Variants in ITSN2 observed in about 807,000 individuals in gnomAD.
The protein encoded by ITSN2 is intersectin 2, also known as intersectin-2.
ITSN2 carries 156 observed loss-of-function variants against 243.7 expected under a neutral mutation model. That is an observed-to-expected ratio of 0.64 (90% CI 0.56 to 0.73). The LOEUF is 0.73. Among genes scored for constraint, ITSN2 ranks in the 30% least tolerant of loss-of-function variants. The pLI is 0.00. For synonymous variants in ITSN2, 703 were observed against 699.9 expected, an observed-to-expected ratio of 1.00 and a Z score of -0.07; for missense variants, 1,801 against 1,996.1, an observed-to-expected ratio of 0.90 and a Z score of 1.86.
chr2:24,298,650 A>G lies in ITSN2; in HGVS notation c.1494+15T>C, dbSNP rs756889075. 1.3e-6 allele frequency: 2 copies of G among 1,588,498 alleles called. No individual in the cohort carries two copies. The highest frequency in any genetic ancestry group is 1.7e-6 in the Non-Finnish European group (2 of 1,172,116). On this transcript the variant is annotated intron_variant, in intron 13 of 39. Coordinates refer to ENST00000355123, the MANE Select transcript of ITSN2 (RefSeq NM_006277.3). Reference sequence around the variant, plus strand: ...ATCATCATTCAGATAAATTTCACTTAAACTTCAGCCATACCAGTGCTTCCA... The same window carrying G: ...ATCATCATTCAGATAAATTTCACTTGAACTTCAGCCATACCAGTGCTTCCA...
chr2:24,264,535 AT>A (rs759067923), intron 20 of ITSN2, among the ~76,000 whole-genome samples: 9 of 152,208 alleles, frequency 5.9e-5, no homozygotes, highest in Non-Finnish European at 1.2e-4. Context: ...ATTTGACATC[AT>A]ATTTTACCTA....
At chr2:24,261,275 A>T in intron 21 of ITSN2, 25 bp from the exon 22 acceptor site, 1 of 1,561,202 alleles carries the variant, frequency 6.4e-7, no homozygotes, top group Non-Finnish European at 8.8e-7. Context: ...CTTTGATATA[A>T]GTATATTTAT....
At chr2:24,299,096 C>T (rs1681390645) in intron 12 of ITSN2, among the ~76,000 whole-genome samples, 1 of 150,574 alleles carries the variant, frequency 6.6e-6, no homozygotes, top group Admixed American at 6.6e-5. Context: ...GTGGCACCAC[C>T]TTGGCTCACT....
chr2:24,270,325 G>A (rs1677190427), intron 20 of ITSN2, among the ~76,000 whole-genome samples: 1 of 152,130 alleles, frequency 6.6e-6, no homozygotes, highest in African/African-American at 2.4e-5. Context: ...ATCCAGTTAG[G>A]GCTGTGGAAT....
At chr2:24,263,654 A>C (rs914533238) in intron 20 of ITSN2, among the ~76,000 whole-genome samples, 2 of 152,150 alleles carry the variant, frequency 1.3e-5, no homozygotes, top group Non-Finnish European at 2.9e-5. Flanking sequence ...ATTTTCTAAA[A>C]TTGTATATAA....
chr2:24,360,606 C>CAGCTGACGGCCCGCCCGCTGCCGGGCACT (rs1558685848), upstream of ITSN2: 2 of 152,246 alleles, frequency 1.3e-5, no homozygotes, highest in African/African-American at 4.8e-5. Context: ...TGCCGGGCAC[C>CAGCTGACGGCCCGCCCGCTGCCGGGCACT]GACTCCCCAC....
chr2:24,329,578 T>G (rs1294899116), intron 1 of ITSN2, among the ~76,000 whole-genome samples: 1 of 152,164 alleles, frequency 6.6e-6, no homozygotes, highest in Non-Finnish European at 1.5e-5. Context: ...GTTCCATGAA[T>G]TTTGAGAGTA....
chr2:24,360,548 G>A (rs959662668), upstream of ITSN2: 2 of 152,290 alleles, frequency 1.3e-5, no homozygotes, highest in South Asian at 2.1e-4. Flanking sequence ...CAGGAAGCCG[G>A]GGGGCGGGGA....
chr2:24,207,083 GT>G (rs1668970853), intron 37 of ITSN2, among the ~76,000 whole-genome samples: 1 of 152,124 alleles, frequency 6.6e-6, no homozygotes, highest in Non-Finnish European at 1.5e-5. Flanking sequence ...GGCCCTGAGT[GT>G]GGGGTAAGAA....
rs150916704 is a variant in ITSN2, at chr2:24,312,501, A to C, written c.189-126T>G. 651 of 550,354 alleles carry C rather than the reference A, an allele frequency of 1.2e-3. 4 individuals carry two copies. The highest frequency in any genetic ancestry group is 0.011 in the African/African-American group (570 of 51,804). 34.1% of individuals were successfully genotyped at this position (550,354 alleles called of 1,614,324 possible). On this transcript the variant is annotated intron_variant, in intron 4 of 39. Coordinates refer to ENST00000355123, the MANE Select transcript of ITSN2 (RefSeq NM_006277.3). The stretch of plus-strand genomic sequence containing the variant: ...CACGTGTACATCATCACTAAATTTA[A>C]AATATCTAACATGTAAAATATATAA...
intron 17 of ITSN2, among the ~76,000 whole-genome samples, chr2:24,280,535 G>A (rs906709372): frequency 2.6e-5 from 4 of 152,036 alleles, no homozygotes; most frequent in African/African-American, 7.2e-5. Context: ...CTCTTCCCTC[G>A]TCACTTTCTT....
chr2:24,342,276 C>T (rs1247333641), intron 1 of ITSN2, among the ~76,000 whole-genome samples: 1 of 151,914 alleles, frequency 6.6e-6, no homozygotes, highest in African/African-American at 2.4e-5. Context: ...CGGTGCACTG[C>T]AGCCTCGACC....
At chr2:24,352,602 G>T (rs999801318) in intron 1 of ITSN2, among the ~76,000 whole-genome samples, 1 of 152,246 alleles carries the variant, frequency 6.6e-6, no homozygotes, top group East Asian at 1.9e-4. Context: ...CCTCAGTTTA[G>T]ATTTTTAAAC....
At chr2:24,217,228 GAC>G (rs1219428747) in intron 31 of ITSN2, among the ~76,000 whole-genome samples, 9 of 149,132 alleles carry the variant, frequency 6.0e-5, no homozygotes, top group African/African-American at 2.2e-4. Context: ...CAGCCTGGGC[GAC>G]ACAGTGAGAC....
intron 29 of ITSN2, chr2:24,242,044 GA>G (rs1163244258): frequency 6.6e-6 from 1 of 152,538 alleles, no homozygotes; most frequent in African/African-American, 2.4e-5. Flanking sequence ...CTGTAAGTTA[GA>G]AACACAAAAA....
Position 24,293,754 on chromosome 2 carries a change from A to G in ITSN2, c.1657T>C (p.Tyr553His). ...AATAATTGCTTCTCAGGTACCAGAT[A>G]GATAAGCTTATTCTGATATTCCTTA... The part of the protein sequence containing the change: ...ELQEYQNKLI[Y>H]LVPEKQLLNE... The change falls in exon 15 of 40, where the codon TAT becomes CAT. Residue 553 changes from tyrosine to histidine, a missense_variant. Around this residue, in one of 5 missense-constraint regions of ITSN2, gnomAD observed 787 missense variants for 803.9 expected, o/e 0.98. Coordinates refer to ENST00000355123, the MANE Select transcript of ITSN2 (RefSeq NM_006277.3). 3 of 1,127,540 alleles carry G rather than the reference A, an allele frequency of 2.7e-6. No homozygotes were observed. The highest frequency in any genetic ancestry group is 3.8e-6 in the Non-Finnish European group (3 of 780,058). The allele number at this position is 1,127,540 out of a possible 1,614,324, so 69.8% of individuals were successfully genotyped here. A position where few individuals can be genotyped will look rare whatever the true frequency, so the allele number is the denominator to read the frequency against.
chr2:24,323,700 C>T (rs1684837121), intron 2 of ITSN2, among the ~76,000 whole-genome samples: 3 of 151,798 alleles, frequency 2.0e-5, no homozygotes, highest in East Asian at 1.9e-4. Context: ...TGAATTATAC[C>T]CCCAATAAAC....
rs1337525740 is a variant in ITSN2 at position 24,295,683 on chromosome 2, T to C, written c.1616A>G (p.Gln539Arg). ...ACTTACCTGAAGTTCCTGTTGAAGT[T>C]GCTTGATTTCCATAATTTCCAAGTC... ...QCDLEIMEIKQLQQELQEYQN... is the reference protein window; with the variant it reads ...QCDLEIMEIKRLQQELQEYQN... The change falls in exon 14 of 40, where the codon CAA becomes CGA. Residue 539 changes from glutamine (Q) to arginine (R), a missense_variant. Physicochemically the swap from Gln to Arg is conservative, Grantham distance 43. Coordinates refer to ENST00000355123, the MANE Select transcript of ITSN2 (RefSeq NM_006277.3). The C allele has an allele frequency of 1.9e-6, 3 of 1,543,538 alleles. No homozygotes were observed. Among genetic ancestry groups the C allele is most frequent in the Non-Finnish European group, 2.6e-6 (3 of 1,155,750 alleles).
chr2:24,217,071 G>A (rs1293246706), intron 31 of ITSN2, among the ~76,000 whole-genome samples: 2 of 125,344 alleles, frequency 1.6e-5, no homozygotes, highest in African/African-American at 3.1e-5. Flanking sequence ...GTGAGAGAGC[G>A]AGACTCCGTC....
Sources: gnomAD v4.1 joint callset for allele counts (sites outside exome capture counted in the v4.1 genomes callset) on GRCh38, gnomAD v4.1.1 for gene constraint, gnomAD v4.1.1 regional missense constraint, MANE v1.5 for transcripts, NCBI Gene and HGNC (gene_info 2026-07-23, HGNC 2026-07-21) for gene names.